Variants in CADPS2 observed in about 807,000 individuals in gnomAD.
CADPS2 encodes the protein calcium dependent secretion activator 2.
CADPS2 carries 93 observed loss-of-function variants against 172.5 expected under a neutral mutation model. The observed-to-expected ratio is 0.54, with a 90% CI of 0.46 to 0.64. The LOEUF is 0.64. CADPS2 is among the 30% of genes least tolerant of loss of function. The pLI is 0.00. For synonymous variants in CADPS2, 546 were observed against 555.2 expected (o/e 0.98, Z 0.23); for missense variants, 1,420 against 1,565.9 (o/e 0.91, Z 1.57).
At position 122,359,710 on chromosome 7, in the gene CADPS2, T is replaced by C. The variant is rs989754357; in HGVS notation, c.3504+1078A>G. The stretch of plus-strand genomic sequence containing the variant: ...TACATATGTGATTTTTTTCTACTTA[T>C]GGTCCAGCACTGATTCCTTGATTCT... On this transcript the variant is annotated intron_variant, in intron 27 of 29. Transcript: ENST00000449022. Among the ~76,000 whole-genome samples the C allele has an allele frequency of 4.6e-5, 7 of 152,268 alleles. No homozygotes were observed. The South Asian group carries it at 6.2e-4, about 14-fold the overall frequency.
intron 3 of CADPS2, among the ~76,000 whole-genome samples, chr7:122,656,326 G>A (rs1057369551): frequency 4.6e-5 from 7 of 152,110 alleles, no homozygotes; most frequent in Admixed American, 4.6e-4. Flanking sequence ...TCTAGCAAAA[G>A]CAGAAAGGTT....
At chr7:122,744,612 C>T (rs1213388888) in intron 1 of CADPS2, among the ~76,000 whole-genome samples, 4 of 152,166 alleles carry the variant, frequency 2.6e-5, no homozygotes, top group Non-Finnish European at 4.4e-5. Flanking sequence ...ATTCCACTGT[C>T]ACACAGTGTT....
At chr7:122,675,356 G>A (rs1418676690) in intron 2 of CADPS2, among the ~76,000 whole-genome samples, 2 of 152,140 alleles carry the variant, frequency 1.3e-5, no homozygotes. Context: ...CAATGGTCAC[G>A]TACCGGAAAA....
rs144740955 is a variant in CADPS2 at position 122,809,677 on chromosome 7, G to C, written c.340-72609C>G. The stretch of plus-strand genomic sequence containing the variant: ...ATTTGGCAATTTTATAATGGTCCAA[G>C]GAAAGACTAATTATAAGAAGTCAAA... On this transcript the variant is annotated intron_variant, in intron 1 of 29. Coordinates refer to ENST00000449022, the MANE Select transcript of CADPS2 (RefSeq NM_017954.11). Among the ~76,000 whole-genome samples the C allele has an allele frequency of 5.3e-5, 8 of 151,958 alleles. No homozygotes were observed. In the East Asian group the frequency reaches 1.4e-3, roughly 26 times the overall value.
chr7:122,523,877 C>T (rs2061003613), intron 8 of CADPS2, among the ~76,000 whole-genome samples: 1 of 152,004 alleles, frequency 6.6e-6, no homozygotes, highest in Admixed American at 6.6e-5. Flanking sequence ...CTGAGTAGCC[C>T]CCTCTACCCC....
At chr7:122,717,977 A>ATTTTT (rs36154725) in intron 2 of CADPS2, among the ~76,000 whole-genome samples, 1 of 87,222 alleles carries the variant, frequency 1.1e-5, no homozygotes, top group African/African-American at 4.2e-5. Flanking sequence ...CACTCGGCTA[A>ATTTTT]TTTTTTTTTT....
At chr7:122,673,654 G>A (rs2082095149) in intron 2 of CADPS2, among the ~76,000 whole-genome samples, 1 of 152,042 alleles carries the variant, frequency 6.6e-6, no homozygotes, top group South Asian at 2.1e-4. Context: ...TGAATCCCGA[G>A]CTAGACACAG....
intron 6 of CADPS2, among the ~76,000 whole-genome samples, chr7:122,590,529 G>T (rs2070630222): frequency 6.6e-6 from 1 of 151,768 alleles, no homozygotes; most frequent in African/African-American, 2.4e-5. Context: ...TCTAATGATG[G>T]ACTGTAAGGT....
intron 1 of CADPS2, among the ~76,000 whole-genome samples, chr7:122,775,480 T>C (rs2139215437): frequency 6.6e-6 from 1 of 152,250 alleles, no homozygotes; most frequent in Admixed American, 6.5e-5. Flanking sequence ...GCCCAGGAAA[T>C]ACCAATTATT....
intron 1 of CADPS2, among the ~76,000 whole-genome samples, chr7:122,845,552 G>T (rs959791690): frequency 4.6e-5 from 7 of 152,180 alleles, no homozygotes; most frequent in African/African-American, 1.4e-4. Flanking sequence ...AGTCTTTCTT[G>T]AGTGGCACTG....
chr7:122,677,513 C>G (rs538346993), intron 2 of CADPS2, among the ~76,000 whole-genome samples: 1 of 152,194 alleles, frequency 6.6e-6, no homozygotes, highest in Non-Finnish European at 1.5e-5. Flanking sequence ...GGAATGCCAT[C>G]AATATTTAAG....
At chr7:122,521,142 G>A (rs570460595) in intron 8 of CADPS2, among the ~76,000 whole-genome samples, 1 of 152,256 alleles carries the variant, frequency 6.6e-6, no homozygotes, top group Non-Finnish European at 1.5e-5. Context: ...AGAAACCTCA[G>A]TCAAGGTTGA....
intron 28 of CADPS2, among the ~76,000 whole-genome samples, chr7:122,340,997 T>C (rs2036693506): frequency 1.3e-5 from 2 of 152,284 alleles, no homozygotes; most frequent in South Asian, 4.1e-4. Context: ...TTTTTTAAAA[T>C]TGGAAAAGTA....
At chr7:122,755,938 A>C (rs567812794) in intron 1 of CADPS2, among the ~76,000 whole-genome samples, 1 of 152,296 alleles carries the variant, frequency 6.6e-6, no homozygotes, top group East Asian at 1.9e-4. Context: ...AAAATAGTGA[A>C]TATAATAAAA....
chr7:122,349,584 A>G (rs896161048), intron 27 of CADPS2, among the ~76,000 whole-genome samples: 5 of 152,214 alleles, frequency 3.3e-5, no homozygotes, highest in African/African-American at 1.2e-4. Context: ...GCACAAAGGG[A>G]TCAAGAACTA....
chr7:122,672,659 C>T (rs2081978406), intron 2 of CADPS2, among the ~76,000 whole-genome samples: 1 of 152,166 alleles, frequency 6.6e-6, no homozygotes, highest in Non-Finnish European at 1.5e-5. Context: ...CTTTTCTCTC[C>T]CATTCCTCCA....
intron 1 of CADPS2, among the ~76,000 whole-genome samples, chr7:122,820,549 GTTTT>G (rs1185277617): frequency 1.0e-5 from 1 of 99,786 alleles, no homozygotes; most frequent in Non-Finnish European, 2.0e-5. Context: ...ACTGTTTTTT[GTTTT>G]TTGTTTTTTT....
chr7:122,532,381 C>T (rs572992443), intron 8 of CADPS2, among the ~76,000 whole-genome samples: 1 of 152,246 alleles, frequency 6.6e-6, no homozygotes, highest in African/African-American at 2.4e-5. Context: ...TATTAATAAG[C>T]TAATTGATAA....
At chr7:122,836,347 G>A (rs138765322) in intron 1 of CADPS2, among the ~76,000 whole-genome samples, 2,551 of 152,116 alleles carry the variant, frequency 0.017, 61 homozygotes, top group African/African-American at 0.055. Context: ...AAAGACCACC[G>A]AGGCTGGGAA....
Sources: allele counts gnomAD v4.1 joint callset (sites outside exome capture counted in the v4.1 genomes callset), GRCh38; gene constraint gnomAD v4.1.1; transcripts MANE v1.5; gene names NCBI Gene and HGNC (gene_info 2026-07-23, HGNC 2026-07-21).